Variants in NGEF observed in about 807,000 individuals in gnomAD.
NGEF encodes neuronal guanine nucleotide exchange factor, also known as ephexin-1.
A neutral mutation model predicts 80.9 loss-of-function variants in NGEF; 31 were observed. The observed-to-expected ratio is 0.38, with a 90% CI of 0.29 to 0.52. The LOEUF (loss-of-function observed/expected upper bound fraction) is 0.52, where lower values mean the gene tolerates loss of function less well. Ranked by LOEUF, NGEF falls within the 20% of genes least tolerant of loss-of-function variation. NGEF has a pLI of 0.84. For synonymous variants in NGEF, 371 were observed against 370.2 expected (o/e 1.00, Z -0.03); for missense variants, 709 against 926.2 (o/e 0.77, Z 3.04).
chr2:232,923,662 G>C (rs1252331234), intron 4 of NGEF, among the ~76,000 whole-genome samples: 1 of 152,096 alleles, frequency 6.6e-6, no homozygotes, highest in African/African-American at 2.4e-5. Context: ...TTGAACCCAG[G>C]GGGTGGAGGT....
intron 5 of NGEF, among the ~76,000 whole-genome samples, chr2:232,900,385 CTCACAG>C (rs1202353603): frequency 1.0e-5 from 1 of 95,812 alleles, no homozygotes; most frequent in African/African-American, 3.9e-5. Flanking sequence ...CACACACGCT[CTCACAG>C]TCACTCATAT....
At chr2:232,899,340 G>A (rs1692201391) in intron 5 of NGEF, among the ~76,000 whole-genome samples, 2 of 152,102 alleles carry the variant, frequency 1.3e-5, no homozygotes, top group Admixed American at 1.3e-4. Context: ...TGGGAATGGC[G>A]CTCTCAGCTC....
chr2:232,993,416 T>G (rs2106336235), intron 1 of NGEF, among the ~76,000 whole-genome samples: 1 of 151,788 alleles, frequency 6.6e-6, no homozygotes, highest in Middle Eastern at 3.4e-3. Context: ...AGATGGATGA[T>G]AATAAGTGCT....
chr2:232,995,619 G>C (rs1212850433), intron 1 of NGEF, among the ~76,000 whole-genome samples: 1 of 4,524 alleles, frequency 2.2e-4, no homozygotes, highest in African/African-American at 8.1e-4. Context: ...GTATGTATAC[G>C]TATGTATACT....
At chr2:232,934,088 G>A (rs1693277909) in intron 3 of NGEF, among the ~76,000 whole-genome samples, 4 of 151,962 alleles carry the variant, frequency 2.6e-5, no homozygotes, top group African/African-American at 4.8e-5. Context: ...GTAAAAATAC[G>A]AAAATTAGCT....
At chr2:233,008,281 G>T (rs576039677) in intron 1 of NGEF, among the ~76,000 whole-genome samples, 62 of 152,288 alleles carry the variant, frequency 4.1e-4, no homozygotes, top group African/African-American at 1.4e-3. Flanking sequence ...CAGTTGTGGG[G>T]GTCTGAAATG....
rs1380157624 is a variant in NGEF, at chr2:232,920,733, C to T, written c.527-148G>A. 15 of 573,856 alleles carry T rather than the reference C, an allele frequency of 2.6e-5. No homozygotes were observed. In the East Asian group the frequency reaches 4.4e-4, roughly 17 times the overall value. The allele number at this position is 573,856 out of a possible 1,614,324, so 35.5% of individuals were successfully genotyped here. On this transcript the variant is annotated intron_variant, in intron 4 of 14. Transcript: ENST00000264051. ...CAAGCCAGCCCTGCACCCATCTCAGCGGCAGGCTCCAGGCCACGGGATACA... is the reference window on the plus strand; with the variant it reads ...CAAGCCAGCCCTGCACCCATCTCAGTGGCAGGCTCCAGGCCACGGGATACA...
chr2:232,895,989 C>T (rs1050042304), intron 5 of NGEF, among the ~76,000 whole-genome samples: 3 of 152,044 alleles, frequency 2.0e-5, no homozygotes, highest in African/African-American at 2.4e-5. Context: ...CCCGGCTCAC[C>T]TTCCTCCCTT....
intron 10 of NGEF, among the ~76,000 whole-genome samples, chr2:232,884,714 G>A (rs541465844): frequency 5.4e-4 from 83 of 152,324 alleles, no homozygotes; most frequent in African/African-American, 1.9e-3. Flanking sequence ...GGTCAGCACC[G>A]TGTGGAGCTA....
At chr2:232,885,827 T>C (rs1013882719) in intron 9 of NGEF, among the ~76,000 whole-genome samples, 7 of 152,174 alleles carry the variant, frequency 4.6e-5, no homozygotes, top group Admixed American at 2.0e-4. Flanking sequence ...AGGGCCAGGC[T>C]CGCCGCAGGC....
chr2:233,011,693 C>T (rs1027526548), intron 1 of NGEF, among the ~76,000 whole-genome samples: 9 of 152,158 alleles, frequency 5.9e-5, no homozygotes, highest in African/African-American at 1.2e-4. Flanking sequence ...GCTCAAGCAG[C>T]CCTCCTGCCT....
intron 3 of NGEF, among the ~76,000 whole-genome samples, chr2:232,942,616 C>A (rs1693459161): frequency 6.6e-6 from 1 of 152,134 alleles, no homozygotes; most frequent in African/African-American, 2.4e-5. Context: ...CCAACTCACG[C>A]CTGTAATCCC....
rs73995723 is a variant in NGEF, at chr2:232,919,838, G to A, written c.828+446C>T. Among the ~76,000 whole-genome samples the A allele has an allele frequency of 6.1e-3, 924 of 152,254 alleles. 8 individuals carry two copies. Among genetic ancestry groups the A allele is most frequent in the African/African-American group, 0.02 (847 of 41,544 alleles). ...CTTCCTTCAGAGACCCCATTCATCCGAAGTTCAGACAGCCCCAAAAGAAAG... is the reference window on the plus strand; with the variant it reads ...CTTCCTTCAGAGACCCCATTCATCCAAAGTTCAGACAGCCCCAAAAGAAAG... On this transcript the variant is annotated intron_variant, in intron 5 of 14. Transcript: ENST00000264051.
At chr2:232,935,307 C>T (rs762964752) in intron 3 of NGEF, among the ~76,000 whole-genome samples, 2 of 152,128 alleles carry the variant, frequency 1.3e-5, no homozygotes, top group African/African-American at 4.8e-5. Context: ...AGGAACAAGA[C>T]CAAAGGGTTA....
intron 3 of NGEF, among the ~76,000 whole-genome samples, chr2:232,953,082 T>A (rs1193452473): frequency 1.0e-4 from 15 of 146,864 alleles, no homozygotes; most frequent in African/African-American, 3.0e-4. Context: ...GGTGGGCAGA[T>A]CACGAGGTCA....
intron 3 of NGEF, among the ~76,000 whole-genome samples, chr2:232,950,649 T>C (rs1464993335): frequency 6.6e-6 from 1 of 152,226 alleles, no homozygotes; most frequent in Non-Finnish European, 1.5e-5. Context: ...AAGCCTCCTC[T>C]TGGGCCTTGG....
At chr2:232,988,830 A>G (rs750796231) in intron 1 of NGEF, among the ~76,000 whole-genome samples, 2 of 152,234 alleles carry the variant, frequency 1.3e-5, no homozygotes, top group Non-Finnish European at 2.9e-5. Context: ...TTGTAAAAGC[A>G]AAAAAGAGGA....
chr2:232,900,032 ATTCACT>A (rs1324784624), intron 5 of NGEF, among the ~76,000 whole-genome samples: 131 of 73,338 alleles, frequency 1.8e-3, no homozygotes, highest in Non-Finnish European at 3.2e-3. Context: ...GTTCACTCAC[ATTCACT>A]CACACACACA....
At chr2:232,881,109 C>A in intron 14 of NGEF, 37 bp downstream of exon 14, 1 of 1,571,800 alleles carries the variant, frequency 6.4e-7, no homozygotes, top group Non-Finnish European at 8.7e-7. Flanking sequence ...GGGGCAAGTT[C>A]CCCTGGGGGC....
Sources: allele counts gnomAD v4.1 joint callset (sites outside exome capture counted in the v4.1 genomes callset), GRCh38; gene constraint gnomAD v4.1.1; transcripts MANE v1.5; gene names NCBI Gene and HGNC (gene_info 2026-07-23, HGNC 2026-07-21).